Variants in CAPS2 observed in about 807,000 individuals in gnomAD.
CAPS2 encodes calcyphosine 2, also known as calcyphosin-2.
Under a neutral mutation model 86.5 loss-of-function variants are expected in CAPS2, and 98 were observed. The ratio of observed to expected loss-of-function variants is 1.13; its 90% CI spans 0.96 to 1.34. CAPS2 has a LOEUF of 1.34. Among genes scored for constraint, CAPS2 ranks in the 40% most tolerant of loss-of-function variants. The pLI is 0.00. For missense variants in CAPS2, 729 were observed against 686.8 expected (o/e 1.06, Z -0.69); for synonymous variants, 210 against 225.1 (o/e 0.93, Z 0.60).
At chr12:75,330,753 C>T (rs2041236580), upstream of CAPS2, among the ~76,000 whole-genome samples, 1 of 150,954 alleles carries the variant, frequency 6.6e-6, no homozygotes, top group Non-Finnish European at 1.5e-5. Context: ...AGGGCAAAGG[C>T]CTAGAAATCA....
At chr12:75,333,273 C>A (rs1014510962), upstream of CAPS2, among the ~76,000 whole-genome samples, 22 of 151,130 alleles carry the variant, frequency 1.5e-4, no homozygotes, top group Non-Finnish European at 2.5e-4. Context: ...TATGTGTATA[C>A]AAACAGATTT....
upstream of CAPS2, among the ~76,000 whole-genome samples, chr12:75,327,945 T>C (rs2040942374): frequency 1.3e-5 from 2 of 151,798 alleles, no homozygotes; most frequent in Non-Finnish European, 2.9e-5. Flanking sequence ...ATCTACATGG[T>C]TCTCTTCACC....
rs1181402088 is a variant in CAPS2 at position 75,351,547 on chromosome 12, TTTG to T, written c.-394-28328_-394-28326del. Among the ~76,000 whole-genome samples the T allele has an allele frequency of 1.7e-4, 25 of 146,866 alleles. 1 individual carries two copies. The highest frequency in any genetic ancestry group is 3.0e-4 in the Non-Finnish European group (20 of 67,562). ...AACAATATTTAACACTCTGTTTTGT[TTTG>T]TTTTTTTTTTTTTTGAGATGGAGTC... is the stretch of plus-strand genomic sequence containing the variant. On this transcript the variant is annotated intron_variant, in intron 1 of 5. Coordinates refer to the CAPS2 transcript ENST00000551829.
chr12:75,286,507 TTA>T (rs1414453745), intron 14 of CAPS2, among the ~76,000 whole-genome samples: 2 of 151,670 alleles, frequency 1.3e-5, no homozygotes, highest in African/African-American at 4.8e-5. Flanking sequence ...ATATTTATAT[TTA>T]TATATACTTA....
At chr12:75,305,046 A>C in intron 7 of CAPS2, 170 bp from the exon 8 acceptor site, 3 of 484,670 alleles carry the variant, frequency 6.2e-6, no homozygotes, top group Non-Finnish European at 1.0e-5. Flanking sequence ...TAAGAAAGTA[A>C]ATATTCCTAT....
chr12:75,338,377 T>A (rs2041873641), intron 1 of CAPS2, among the ~76,000 whole-genome samples: 1 of 152,132 alleles, frequency 6.6e-6, no homozygotes, highest in South Asian at 2.1e-4. Flanking sequence ...GAAATCTGAC[T>A]TGGATTGGGG....
At chr12:75,286,235 T>C (rs1019570254) in intron 14 of CAPS2, among the ~76,000 whole-genome samples, 1 of 152,022 alleles carries the variant, frequency 6.6e-6, no homozygotes, top group Non-Finnish European at 1.5e-5. Context: ...AATCTAAAGA[T>C]GCCTGCCTTC....
downstream of CAPS2, chr12:75,276,174 C>G: frequency 7.9e-6 from 12 of 1,522,438 alleles, 1 homozygote; most frequent in South Asian, 1.4e-4. Flanking sequence ...TATATATGCC[C>G]ATTACCTTCT....
intron 5 of CAPS2, among the ~76,000 whole-genome samples, chr12:75,317,783 C>G (rs2039917961): frequency 6.6e-6 from 1 of 151,902 alleles, no homozygotes; most frequent in Non-Finnish European, 1.5e-5. Context: ...ATTAATACAT[C>G]CATCACCACA....
exon 4 of CAPS2, chr12:75,322,993 T>G: frequency 6.5e-7 from 1 of 1,534,778 alleles, no homozygotes; most frequent in Non-Finnish European, 8.8e-7. Flanking sequence ...TAGATGATAC[T>G]GAGTATATGG....
chr12:75,349,988 G>A (rs1168887853), intron 1 of CAPS2, among the ~76,000 whole-genome samples: 1 of 152,224 alleles, frequency 6.6e-6, no homozygotes, highest in East Asian at 1.9e-4. Flanking sequence ...TAAGAAGACC[G>A]GGTCCCGGGA....
At chr12:75,331,465 G>A (rs2041296993), upstream of CAPS2, among the ~76,000 whole-genome samples, 1 of 152,058 alleles carries the variant, frequency 6.6e-6, no homozygotes, top group South Asian at 2.1e-4. Context: ...TTTTTCTGCT[G>A]CACTCCATAA....
At chr12:75,326,532 G>A, upstream of CAPS2, 1 of 1,264,808 alleles carries the variant, frequency 7.9e-7, no homozygotes, top group Non-Finnish European at 1.1e-6. Context: ...AGTATACTTT[G>A]AAAAAGGTAG....
At chr12:75,276,198 A>G (rs1379959504), downstream of CAPS2, 2 of 1,538,204 alleles carry the variant, frequency 1.3e-6, no homozygotes, top group Non-Finnish European at 8.8e-7. Context: ...TCTTTGTTTT[A>G]AGCGCTTTCT....
intron 1 of CAPS2, among the ~76,000 whole-genome samples, chr12:75,386,004 T>C (rs1273921381): frequency 1.3e-5 from 2 of 152,200 alleles, no homozygotes; most frequent in Non-Finnish European, 2.9e-5. Flanking sequence ...AAGGAATTTG[T>C]TCATTCTATT....
exon 4 of CAPS2, chr12:75,323,013 T>C (rs1161286220): frequency 1.3e-6 from 2 of 1,549,722 alleles, no homozygotes; most frequent in African/African-American, 1.4e-5. Flanking sequence ...GAGTTTGACA[T>C]GGTGTGACCC....
chr12:75,375,064 T>C (rs1302317428), intron 1 of CAPS2, among the ~76,000 whole-genome samples: 4 of 152,180 alleles, frequency 2.6e-5, no homozygotes, highest in Non-Finnish European at 1.5e-5. Flanking sequence ...ATATTGTTTT[T>C]GATTTACTAT....
intron 4 of CAPS2, chr12:75,322,971 A>C (rs1457797554): frequency 2.8e-6 from 4 of 1,405,412 alleles, no homozygotes; most frequent in Non-Finnish European, 3.9e-6. Flanking sequence ...AATAAATACT[A>C]ACCAATTTAT....
At chr12:75,354,496 G>C (rs1359548486) in intron 1 of CAPS2, among the ~76,000 whole-genome samples, 2 of 152,110 alleles carry the variant, frequency 1.3e-5, no homozygotes, top group Non-Finnish European at 2.9e-5. Context: ...ACAAACAAAT[G>C]AAAAAACATT....
Sources: allele counts gnomAD v4.1 joint callset (sites outside exome capture counted in the v4.1 genomes callset), GRCh38; gene constraint gnomAD v4.1.1; transcripts MANE v1.5; gene names NCBI Gene and HGNC (gene_info 2026-07-23, HGNC 2026-07-21).